The following SMIM36 variants were observed in gnomAD, a reference collection of about 807,000 sequenced individuals.
The protein encoded by SMIM36 is small integral membrane protein 36.
At chr17:55,475,555 C>A (rs1181664023) in intron 3 of SMIM36, among the ~76,000 whole-genome samples, 1 of 152,142 alleles carries the variant, frequency 6.6e-6, no homozygotes, top group Non-Finnish European at 1.5e-5. Flanking sequence ...TTACTCACTG[C>A]TGAAGAAAGA....
chr17:55,531,919 G>T, the SMIM36 span, among the ~76,000 whole-genome samples: 1 of 152,202 alleles, frequency 6.6e-6, no homozygotes, highest in African/African-American at 2.4e-5. Context: ...CCATCATGTA[G>T]AAGAGGTATT....
At chr17:55,467,547 C>T (rs910624596) in intron 3 of SMIM36, among the ~76,000 whole-genome samples, 2 of 152,104 alleles carry the variant, frequency 1.3e-5, no homozygotes, top group Non-Finnish European at 2.9e-5. Flanking sequence ...CAGGCGCCGG[C>T]CACCATGCCC....
chr17:55,458,660 T>C (rs1173115901), intron 4 of SMIM36, among the ~76,000 whole-genome samples: 2 of 144,922 alleles, frequency 1.4e-5, no homozygotes, highest in East Asian at 2.1e-4. Flanking sequence ...CAGCTGGTCG[T>C]TGAGAAGAGC....
intron 3 of SMIM36, among the ~76,000 whole-genome samples, chr17:55,476,342 A>G (rs1202861788): frequency 6.6e-6 from 1 of 151,578 alleles, no homozygotes; most frequent in Admixed American, 6.6e-5. Flanking sequence ...CCACAAGAGG[A>G]AAAACCCCCT....
At chr17:55,486,123 C>T (rs1448004705) in intron 1 of SMIM36, among the ~76,000 whole-genome samples, 5 of 151,496 alleles carry the variant, frequency 3.3e-5, no homozygotes, top group African/African-American at 1.2e-4. Context: ...GCAACCTCGC[C>T]TCCCGGGTTC....
intron 4 of SMIM36, among the ~76,000 whole-genome samples, chr17:55,455,297 G>A (rs1297667127): frequency 2.0e-5 from 3 of 151,994 alleles, no homozygotes; most frequent in East Asian, 1.9e-4. Flanking sequence ...GATGCCTTTC[G>A]CAACAGGATT....
At chr17:55,450,251 C>T (rs1005481433) in exon 5 of SMIM36, 4 of 152,248 alleles carry the variant, frequency 2.6e-5, no homozygotes, top group East Asian at 3.9e-4. Flanking sequence ...CTGCAGCCTT[C>T]GGAGGGAGTA....
At chr17:55,451,285 T>C (rs1214078872) in intron 4 of SMIM36, among the ~76,000 whole-genome samples, 2 of 152,158 alleles carry the variant, frequency 1.3e-5, no homozygotes, top group East Asian at 1.9e-4. Flanking sequence ...CCAACCTCAT[T>C]TTCTACCAGT....
the SMIM36 span, among the ~76,000 whole-genome samples, chr17:55,522,049 A>G: frequency 6.6e-6 from 1 of 152,098 alleles, no homozygotes; most frequent in Non-Finnish European, 1.5e-5. Context: ...ATTTCACTCC[A>G]TCAAAAGCCA....
chr17:55,511,205 T>C, exon 1 of SMIM36: 1 of 398,622 alleles, frequency 2.5e-6, no homozygotes, highest in Non-Finnish European at 4.4e-6. Context: ...GCGTACTCCT[T>C]ACTGGGATCC....
At chr17:55,502,967 G>T (rs1409838661) in intron 1 of SMIM36, among the ~76,000 whole-genome samples, 1 of 151,272 alleles carries the variant, frequency 6.6e-6, no homozygotes, top group Non-Finnish European at 1.5e-5. Flanking sequence ...TGGAAGAAAG[G>T]GTGTCAGCAA....
chr17:55,494,946 A>G (rs905919412), intron 1 of SMIM36, among the ~76,000 whole-genome samples: 1 of 152,208 alleles, frequency 6.6e-6, no homozygotes. Flanking sequence ...TGGGAAGATG[A>G]CATTACCTCT....
intron 1 of SMIM36, among the ~76,000 whole-genome samples, chr17:55,501,861 A>G (rs1017841562): frequency 7.8e-5 from 11 of 140,350 alleles, no homozygotes; most frequent in African/African-American, 3.0e-4. Flanking sequence ...GGCGCAGGCC[A>G]GTGGGTGCGC....
chr17:55,484,356 A>G (rs550155679), intron 1 of SMIM36, among the ~76,000 whole-genome samples: 178 of 152,348 alleles, frequency 1.2e-3, no homozygotes, highest in African/African-American at 4.2e-3. Context: ...ATATGGAAGG[A>G]CTGATAGAGC....
At chr17:55,501,869 C>T (rs1011284614) in intron 1 of SMIM36, among the ~76,000 whole-genome samples, 4 of 127,820 alleles carry the variant, frequency 3.1e-5, no homozygotes, top group Admixed American at 7.7e-5. Flanking sequence ...CCAGTGGGTG[C>T]GCGCACAGTG....
intron 4 of SMIM36, among the ~76,000 whole-genome samples, chr17:55,463,037 AT>A (rs1001516239): frequency 6.6e-6 from 1 of 152,072 alleles, no homozygotes; most frequent in Non-Finnish European, 1.5e-5. Flanking sequence ...AGGAAAAGGT[AT>A]TTTTTCTTTT....
At chr17:55,487,884 T>C (rs751383693) in intron 1 of SMIM36, among the ~76,000 whole-genome samples, 1 of 152,128 alleles carries the variant, frequency 6.6e-6, no homozygotes, top group Admixed American at 6.5e-5. Flanking sequence ...TGCTGTTTCG[T>C]GGCAAATGGC....
rs1567871172 is a variant in SMIM36, at chr17:55,501,393, ATT to A, written c.*174+9484_*174+9485del. On this transcript the variant is annotated intron_variant, in intron 1 of 4. Transcript: ENST00000636752. The stretch of plus-strand genomic sequence containing the variant: ...TATTATATATTATAGAATATAATAT[ATT>A]ATATATTATTATATATTATAAAATA... Among the ~76,000 whole-genome samples, 40 of 53,086 alleles carry A rather than the reference ATT, an allele frequency of 7.5e-4. 4 individuals carry two copies. The highest frequency in any genetic ancestry group is 3.7e-3 in the African/African-American group (39 of 10,556). 34.8% of individuals were successfully genotyped at this position (53,086 alleles called of 152,430 possible).
chr17:55,460,701 C>A (rs1909132700), intron 4 of SMIM36, among the ~76,000 whole-genome samples: 1 of 151,518 alleles, frequency 6.6e-6, no homozygotes, highest in African/African-American at 2.4e-5. Flanking sequence ...CTAAAAAATA[C>A]AAAAAAATTA....
Sources: allele counts gnomAD v4.1 joint callset (sites outside exome capture counted in the v4.1 genomes callset), GRCh38; gene constraint gnomAD v4.1.1; transcripts MANE v1.5; gene names NCBI Gene and HGNC (gene_info 2026-07-23, HGNC 2026-07-21).